PRKN: variants seen among roughly 807,000 people sequenced by gnomAD.
PRKN encodes parkin RBR E3 ubiquitin protein ligase, also known as E3 ubiquitin-protein ligase parkin.
Under a neutral mutation model 59.5 loss-of-function variants are expected in PRKN, and 56 were observed. The ratio of observed to expected loss-of-function variants is 0.94; its 90% CI spans 0.76 to 1.18. The LOEUF is 1.18. Among genes scored for constraint, PRKN ranks in the 50% most tolerant of loss-of-function variants. The probability of loss-of-function intolerance (pLI) is 0.00; values close to 1 mark genes in which losing one functional copy is unlikely to be tolerated. For synonymous variants in PRKN, 250 were observed against 222.1 expected, an observed-to-expected ratio of 1.13 and a Z score of -1.12; for missense variants, 657 against 596.4, an observed-to-expected ratio of 1.10 and a Z score of -1.06.
chr6:161,654,742 C>G (rs58060266), intron 7 of PRKN, among the ~76,000 whole-genome samples: 19,381 of 152,082 alleles, frequency 0.13, 2,898 homozygotes, highest in African/African-American at 0.36. Context: ...ATGGTGGTGG[C>G]GAAAGGTCAC....
intron 7 of PRKN, among the ~76,000 whole-genome samples, chr6:161,779,435 C>CTTTCCTTTT (rs1234367519): frequency 3.2e-4 from 13 of 40,432 alleles, no homozygotes; most frequent in South Asian, 9.1e-4. Context: ...TTTTTCTTTT[C>CTTTCCTTTT]TTTTCTTTTT....
In PRKN at chr6:162,278,571, T is replaced by C. The variant is rs1361261347; in HGVS notation, c.172-15806A>G. On this transcript the variant is annotated intron_variant, in intron 2 of 11. Transcript: ENST00000366898. Reference sequence around the variant, plus strand: ...TAGATGGGAAATACCTTCCTCTCTATGATGTGAACCTAAAACTGCTAAAAA... The same window carrying C: ...TAGATGGGAAATACCTTCCTCTCTACGATGTGAACCTAAAACTGCTAAAAA... Among the ~76,000 whole-genome samples, 13 of 152,026 alleles carry C rather than the reference T, an allele frequency of 8.6e-5. 1 individual carries two copies.
intron 7 of PRKN, among the ~76,000 whole-genome samples, chr6:161,681,546 C>T (rs934563908): frequency 6.6e-6 from 1 of 151,826 alleles, no homozygotes; most frequent in South Asian, 2.1e-4. Context: ...AAAATAGCAT[C>T]TGATTTCCTA....
intron 6 of PRKN, among the ~76,000 whole-genome samples, chr6:161,932,874 A>G (rs574210609): frequency 2.5e-4 from 38 of 152,282 alleles, no homozygotes; most frequent in Non-Finnish European, 4.7e-4. Flanking sequence ...AGCAGTTCTC[A>G]ACATCTTTTC....
chr6:162,246,113 T>C (rs1400805111), intron 3 of PRKN, among the ~76,000 whole-genome samples: 1 of 151,938 alleles, frequency 6.6e-6, no homozygotes, highest in Non-Finnish European at 1.5e-5. Context: ...GTGTGAAATG[T>C]TTCCCTGCTT....
At chr6:162,045,605 A>G (rs558862911) in intron 5 of PRKN, among the ~76,000 whole-genome samples, 2 of 152,340 alleles carry the variant, frequency 1.3e-5, no homozygotes, top group African/African-American at 2.4e-5. Context: ...TTTGCCACAT[A>G]TATCTTAAAA....
intron 1 of PRKN, among the ~76,000 whole-genome samples, chr6:162,643,621 T>G (rs571636616): frequency 2.0e-5 from 3 of 152,088 alleles, no homozygotes; most frequent in Non-Finnish European, 4.4e-5. Flanking sequence ...CCAGTGTTCA[T>G]AAGTTTATCA....
Position 161,354,648 on chromosome 6 carries a change from G to A in PRKN, c.1286-4437C>T, listed in dbSNP as rs1034946623. On this transcript the variant is annotated intron_variant, in intron 11 of 11. Coordinates refer to ENST00000366898, the MANE Select transcript of PRKN (RefSeq NM_004562.3). This position sits in a 1 kb window ranked among gnomAD's most constrained non-coding sequence, Gnocchi z 6.7. ...TTCTCATTTCAGCTTCTCTGAGGGA[G>A]GAAGGGCATTCCTGAAACACAGCTG... Among the ~76,000 whole-genome samples, 1 of 152,182 alleles carries A rather than the reference G, an allele frequency of 6.6e-6. No individual in the cohort carries two copies.
At chr6:161,905,776 C>T (rs1405147047) in intron 6 of PRKN, among the ~76,000 whole-genome samples, 3 of 151,820 alleles carry the variant, frequency 2.0e-5, no homozygotes, top group East Asian at 3.9e-4. Flanking sequence ...GCCTGGCCAA[C>T]ATGGTGAAAC....
chr6:162,243,874 T>G (rs947734030), intron 3 of PRKN, among the ~76,000 whole-genome samples: 1 of 152,126 alleles, frequency 6.6e-6, no homozygotes. Flanking sequence ...CATGAAGGAC[T>G]GTGGATGTAA....
rs1175912566 is a variant in PRKN, at chr6:161,466,852, C to A, written c.1084-79975G>T. Among the ~76,000 whole-genome samples, 14 of 152,310 alleles carry A rather than the reference C, an allele frequency of 9.2e-5. No individual in the cohort carries two copies. The East Asian group carries it at 2.7e-3, about 29-fold the overall frequency. ...AGACTATGGTTCTCAGATGGGCATA[C>A]AAGCTTTTTCCTTTCTGGGACAGTC... On this transcript the variant is annotated intron_variant, in intron 9 of 11. Transcript: ENST00000366898. This position sits in a 1 kb window ranked among gnomAD's most constrained non-coding sequence, Gnocchi z 5.0.
chr6:162,601,655 C>T (rs1186182793), intron 1 of PRKN, among the ~76,000 whole-genome samples: 4 of 152,064 alleles, frequency 2.6e-5, no homozygotes, highest in Non-Finnish European at 5.9e-5. Context: ...ATATAAAAAA[C>T]AATTGTACTT....
intron 6 of PRKN, among the ~76,000 whole-genome samples, chr6:161,891,652 T>G (rs2128232205): frequency 1.3e-5 from 2 of 152,314 alleles, no homozygotes; most frequent in Admixed American, 1.3e-4. Flanking sequence ...CTCCAAATTG[T>G]GGCCAGACTA....
At chr6:161,585,284 T>C (rs1781481277) in intron 7 of PRKN, among the ~76,000 whole-genome samples, 1 of 152,232 alleles carries the variant, frequency 6.6e-6, no homozygotes, top group African/African-American at 2.4e-5. Context: ...GATTCATATA[T>C]GTGAGCTTTG....
chr6:162,620,630 T>A (rs1775198215), intron 1 of PRKN, among the ~76,000 whole-genome samples: 1 of 152,232 alleles, frequency 6.6e-6, no homozygotes. Flanking sequence ...AGTTTTCCCT[T>A]TAATTTATAT....
At chr6:162,505,526 C>G (rs1793570284) in intron 1 of PRKN, among the ~76,000 whole-genome samples, 1 of 152,166 alleles carries the variant, frequency 6.6e-6, no homozygotes, top group South Asian at 2.1e-4. Flanking sequence ...AACAAGCTCC[C>G]TTCCCCCATG....
At chr6:162,295,770 G>A (rs988758505) in intron 2 of PRKN, among the ~76,000 whole-genome samples, 6 of 152,124 alleles carry the variant, frequency 3.9e-5, no homozygotes, top group Non-Finnish European at 8.8e-5. Context: ...ACAAGCCTAC[G>A]CTTGCCCTTG....
At chr6:161,833,258 TAC>T (rs1293128303) in intron 6 of PRKN, among the ~76,000 whole-genome samples, 2 of 152,140 alleles carry the variant, frequency 1.3e-5, no homozygotes, top group African/African-American at 2.4e-5. Flanking sequence ...CACCGCCAGA[TAC>T]AGTCTCCGGG....
Position 162,034,661 on chromosome 6 carries a change from G to T in PRKN, c.618+19430C>A, listed in dbSNP as rs75928823. Reference sequence around the variant, plus strand: ...TCCAAGTAGCCTTATAAATCAAATAGAAATAATAATTTTAAAAACCCTAAT... The same window carrying T: ...TCCAAGTAGCCTTATAAATCAAATATAAATAATAATTTTAAAAACCCTAAT... On this transcript the variant is annotated intron_variant, in intron 5 of 11. Transcript: ENST00000366898. 4.1e-3 allele frequency among the ~76,000 whole-genome samples: 624 copies of T among 152,212 alleles called. 3 individuals carry two copies. Among genetic ancestry groups the T allele is most frequent in the African/African-American group, 0.014 (584 of 41,536 alleles).
Sources: allele counts gnomAD v4.1 joint callset (sites outside exome capture counted in the v4.1 genomes callset), GRCh38; gene constraint gnomAD v4.1.1; non-coding constraint Gnocchi (gnomAD v3.1); transcripts MANE v1.5; gene names NCBI Gene and HGNC (gene_info 2026-07-23, HGNC 2026-07-21).